SCAF8: variants seen among roughly 807,000 people sequenced by gnomAD.
The protein encoded by SCAF8 is SR-related CTD associated factor 8.
A neutral mutation model predicts 140.5 loss-of-function variants in SCAF8; 23 were observed. That is an observed-to-expected ratio of 0.16 (90% CI 0.12 to 0.23). The LOEUF is 0.23. Among genes scored for constraint, SCAF8 ranks in the 10% least tolerant of loss-of-function variants. The pLI is 1.00. For missense variants in SCAF8, 1,397 were observed against 1,555.7 expected (o/e 0.90, Z 1.72); for synonymous variants, 575 against 528.9 (o/e 1.09, Z -1.20).
rs1045652367 is a variant in SCAF8, at chr6:154,733,984, G to C, written c.30+54G>C. On this transcript the variant is annotated intron_variant, in intron 1 of 19. Coordinates refer to ENST00000367178, the MANE Select transcript of SCAF8 (RefSeq NM_014892.5). The stretch of plus-strand genomic sequence containing the variant: ...CCTGCCCGCACCGCCCCCACCCCTG[G>C]TCGAGGCCGGGGCCCGGAGGGTGGG... 9 of 1,475,008 alleles carry C rather than the reference G, an allele frequency of 6.1e-6. No individual in the cohort carries two copies. The African/African-American group carries it at 1.3e-4, about 22-fold the overall frequency. 91.4% of individuals were successfully genotyped at this position (1,475,008 alleles called of 1,614,324 possible).
At chr6:154,825,550 G>C (rs947926597) in intron 17 of SCAF8, among the ~76,000 whole-genome samples, 25 of 147,392 alleles carry the variant, frequency 1.7e-4, no homozygotes, top group Non-Finnish European at 3.0e-5. Flanking sequence ...GTACACACCT[G>C]TAGTCCCAGC....
In SCAF8 at chr6:154,832,642, A is replaced by G; in HGVS notation, c.3063A>G (p.Ile1021Met). The G allele has an allele frequency of 6.2e-7, 1 of 1,614,090 alleles. No homozygotes were observed. The highest frequency in any genetic ancestry group is 8.5e-7 in the Non-Finnish European group (1 of 1,179,972). The change falls in exon 20 of 20, where the codon ATA becomes ATG. Residue 1021 changes from isoleucine to methionine, a missense_variant. Physicochemically the swap from Ile to Met is conservative, Grantham distance 10. Coordinates refer to ENST00000367178, the MANE Select transcript of SCAF8 (RefSeq NM_014892.5). ...ATAGAGATTACCGGTTTCCTCCTATAGAAACCAGGGAAAGCATTAGTAGAC... is the reference window on the plus strand; with the variant it reads ...ATAGAGATTACCGGTTTCCTCCTATGGAAACCAGGGAAAGCATTAGTAGAC... ...EGDRDYRFPP[I>M]ETRESISRPP...
upstream of SCAF8, chr6:154,733,385 C>A: frequency 7.5e-7 from 1 of 1,341,356 alleles, no homozygotes; most frequent in African/African-American, 1.5e-5. Flanking sequence ...GCCGCGGATC[C>A]CCGAACTGCG....
intron 9 of SCAF8, 135 bp downstream of exon 9, chr6:154,805,621 C>A: frequency 2.3e-6 from 1 of 427,138 alleles, no homozygotes; most frequent in Non-Finnish European, 4.2e-6. Flanking sequence ...CTTTTACCAG[C>A]TACTTTATTT....
At chr6:154,765,732 G>T (rs1776544756) in intron 1 of SCAF8, among the ~76,000 whole-genome samples, 1 of 152,168 alleles carries the variant, frequency 6.6e-6, no homozygotes, top group African/African-American at 2.4e-5. Flanking sequence ...TGACACTATT[G>T]TAGGGGAAAT....
intron 1 of SCAF8, 57 bp downstream of exon 1, chr6:154,733,987 G>A (rs543391860): frequency 2.0e-6 from 3 of 1,467,036 alleles, no homozygotes; most frequent in African/African-American, 3.0e-5. Context: ...ACCCCTGGTC[G>A]AGGCCGGGGC....
At position 154,733,789 on chromosome 6, in the gene SCAF8, C is replaced by G. The variant is rs2114777777; in HGVS notation, c.-112C>G. 2 of 1,395,056 alleles carry G rather than the reference C, an allele frequency of 1.4e-6. No homozygotes were observed. Among genetic ancestry groups the G allele is most frequent in the Non-Finnish European group, 1.9e-6 (2 of 1,076,980 alleles). The allele number at this position is 1,395,056 out of a possible 1,614,324, so 86.4% of individuals were successfully genotyped here. A position where few individuals can be genotyped will look rare whatever the true frequency, so the allele number is the denominator to read the frequency against. On this transcript the variant is annotated 5_prime_UTR_variant, in exon 1 of 20. Transcript: ENST00000367178. Reference sequence around the variant, plus strand: ...CCGAGGTCGCAGCGGCCCGCTCTCCCGCCAGCGCCCCCTCCTCGCGGCCAC... The same window carrying G: ...CCGAGGTCGCAGCGGCCCGCTCTCCGGCCAGCGCCCCCTCCTCGCGGCCAC...
In SCAF8 at chr6:154,810,123, G is replaced by A. The variant is rs771180753; in HGVS notation, c.1335G>A (p.Ser445=). The change falls in exon 12 of 20, where the codon TCG becomes TCA. Residue 445 remains serine (S), a synonymous_variant. Transcript: ENST00000367178. ...AAAGAAAGAGGAAATCATCACGGTC[G>A]TATTCAAGTGAAAGGAGAGCCAGAG... ...SRERKRKSSR[S]YSSERRARER... 115 of 1,613,602 alleles carry A rather than the reference G, an allele frequency of 7.1e-5. No individual in the cohort carries two copies. Among genetic ancestry groups the A allele is most frequent in the Middle Eastern group, 1.6e-4 (1 of 6,082 alleles).
chr6:154,819,512 G>T (rs1344614350), intron 14 of SCAF8, among the ~76,000 whole-genome samples: 2 of 152,034 alleles, frequency 1.3e-5, no homozygotes, highest in African/African-American at 4.8e-5. Context: ...GATCTTTTGA[G>T]CCCATGAAGT....
Position 154,832,340 on chromosome 6 carries a change from A to T in SCAF8, c.2761A>T (p.Met921Leu), listed in dbSNP as rs1185130934. ...TATCCCTAATCAAAGGATGCCCACA[A>T]TGCCAATGTTAGACATTCGTCCGGG... ...LSIPNQRMPT[M>L]PMLDIRPGLI... Residue 921 changes from methionine to leucine, a missense_variant, in exon 20 of 20, where the codon ATG (methionine) becomes TTG (leucine). Transcript: ENST00000367178. The T allele has an allele frequency of 2.5e-6, 4 of 1,613,844 alleles. No homozygotes were observed. The highest frequency in any genetic ancestry group is 2.2e-5 in the East Asian group (1 of 44,894).
In SCAF8 at chr6:154,787,659, T is replaced by G. The variant is rs138168423; in HGVS notation, c.160-202T>G. Among the ~76,000 whole-genome samples, 23 of 152,352 alleles carry G rather than the reference T, an allele frequency of 1.5e-4. No homozygotes were observed. In the East Asian group the frequency reaches 4.4e-3, roughly 29 times the overall value. On this transcript the variant is annotated intron_variant, in intron 3 of 19. Transcript: ENST00000367178. The stretch of plus-strand genomic sequence containing the variant: ...AGTTACATAGTACTATTTTAGAACT[T>G]CTGATTGTATAGAGTAGCCAAAGTA...
At position 154,831,872 on chromosome 6, in the gene SCAF8, TTAAGC is replaced by T. The variant is rs1388825275; in HGVS notation, c.2360-63_2360-59del. On this transcript the variant is annotated intron_variant, in intron 19 of 19. Transcript: ENST00000367178. ...ATTATTGGGGGATACAAGTAGCTGA[TTAAGC>T]TAAAATTATTGGAAACTTTTGACTG... 2.2e-6 allele frequency: 3 copies of T among 1,386,838 alleles called. No individual in the cohort carries two copies. In the African/African-American group the frequency reaches 4.3e-5, roughly 20 times the overall value. 85.9% of individuals were successfully genotyped at this position (1,386,838 alleles called of 1,614,324 possible). A position where few individuals can be genotyped will look rare whatever the true frequency, so the allele number is the denominator to read the frequency against.
chr6:154,771,279 T>A (rs1776759919), intron 1 of SCAF8, among the ~76,000 whole-genome samples: 1 of 152,206 alleles, frequency 6.6e-6, no homozygotes, highest in Non-Finnish European at 1.5e-5. Flanking sequence ...GGGAAGCCTT[T>A]CCTCATTAGG....
intron 1 of SCAF8, among the ~76,000 whole-genome samples, chr6:154,753,568 G>A (rs1036009525): frequency 1.3e-5 from 2 of 152,104 alleles, no homozygotes; most frequent in African/African-American, 2.4e-5. Flanking sequence ...GAACCCGGGG[G>A]GCAGAGGTTG....
chr6:154,787,820 T>G (rs754036054), intron 3 of SCAF8, 41 bp from the exon 4 acceptor site: 2 of 1,552,784 alleles, frequency 1.3e-6, no homozygotes, highest in South Asian at 2.4e-5. Flanking sequence ...GAATTTTACC[T>G]TTCCGTTTCC....
At chr6:154,817,841 C>A (rs1002098680) in intron 13 of SCAF8, among the ~76,000 whole-genome samples, 2 of 152,100 alleles carry the variant, frequency 1.3e-5, no homozygotes, top group Non-Finnish European at 2.9e-5. Flanking sequence ...ATTGTATGGT[C>A]TGGTGTAGAA....
At position 154,802,113 on chromosome 6, in the gene SCAF8, T is replaced by C. The variant is rs1777789845; in HGVS notation, c.749T>C (p.Leu250Pro). ...LTAAAAAANT[L>P]TPLEQGVSFN... Reference sequence around the variant, plus strand: ...GCTGCAGCTGCAGCTGCCAACACTCTTACTCCCTTAGAACAGGGAGTCTCC... The same window carrying C: ...GCTGCAGCTGCAGCTGCCAACACTCCTACTCCCTTAGAACAGGGAGTCTCC... The change falls in exon 7 of 20, where the codon CTT becomes CCT. Residue 250 changes from leucine to proline, a missense_variant. Physicochemically the swap from Leu to Pro is moderately conservative, Grantham distance 98. Transcript: ENST00000367178. 1 of 1,610,566 alleles carries C rather than the reference T, an allele frequency of 6.2e-7. No individual in the cohort carries two copies. The highest frequency in any genetic ancestry group is 8.5e-7 in the Non-Finnish European group (1 of 1,178,444).
At chr6:154,830,892 C>T in intron 18 of SCAF8, 30 bp from the exon 19 acceptor site, 1 of 1,558,846 alleles carries the variant, frequency 6.4e-7, no homozygotes, top group Non-Finnish European at 8.8e-7. Flanking sequence ...CTCATTAAAT[C>T]TGAAATATAT....
intron 1 of SCAF8, among the ~76,000 whole-genome samples, chr6:154,754,123 C>G (rs1395750794): frequency 1.3e-5 from 2 of 152,160 alleles, no homozygotes; most frequent in African/African-American, 4.8e-5. Context: ...AGAAAGGGAG[C>G]TTAAGAGTTT....
Sources: allele counts gnomAD v4.1 joint callset (sites outside exome capture counted in the v4.1 genomes callset), GRCh38; gene constraint gnomAD v4.1.1; transcripts MANE v1.5; gene names NCBI Gene and HGNC (gene_info 2026-07-23, HGNC 2026-07-21).